DKK2: variants seen among roughly 807,000 people sequenced by gnomAD.
DKK2 encodes the protein dickkopf Wnt signaling pathway inhibitor 2.
Under a neutral mutation model 28.1 loss-of-function variants are expected in DKK2, and 11 were observed. The observed-to-expected ratio is 0.39, with a 90% CI of 0.25 to 0.65. The LOEUF (loss-of-function observed/expected upper bound fraction) is 0.65, where lower values mean the gene tolerates loss of function less well. DKK2 is among the 30% of genes least tolerant of loss of function. The probability of loss-of-function intolerance (pLI) is 0.47; values close to 1 mark genes in which losing one functional copy is unlikely to be tolerated. For synonymous variants in DKK2, 135 were observed against 126.5 expected, an observed-to-expected ratio of 1.07 and a Z score of -0.45; for missense variants, 326 against 335.5, an observed-to-expected ratio of 0.97 and a Z score of 0.22.
rs1723658768 is a variant in DKK2, at chr4:107,019,347, G to C, written c.222+16023C>G. Among the ~76,000 whole-genome samples the C allele has an allele frequency of 2.0e-5, 3 of 151,942 alleles. No individual in the cohort carries two copies. In the South Asian group the frequency reaches 6.2e-4, roughly 32 times the overall value. Reference sequence around the variant, plus strand: ...CATGGGATCACAGATACCAAAGATTGAGCTTGCCCAAAACCTATATGGTCA... The same window carrying C: ...CATGGGATCACAGATACCAAAGATTCAGCTTGCCCAAAACCTATATGGTCA... On this transcript the variant is annotated intron_variant, in intron 1 of 3. Transcript: ENST00000285311.
intron 1 of DKK2, among the ~76,000 whole-genome samples, chr4:106,966,842 G>A (rs1407472797): frequency 6.6e-6 from 1 of 152,102 alleles, no homozygotes; most frequent in Non-Finnish European, 1.5e-5. Context: ...GAACAGTGCA[G>A]GAAAGACCTA....
intron 1 of DKK2, among the ~76,000 whole-genome samples, chr4:106,955,161 G>A (rs1047272103): frequency 1.3e-5 from 2 of 152,034 alleles, no homozygotes; most frequent in African/African-American, 4.8e-5. Flanking sequence ...TAAGTTACTG[G>A]AAACTGAATG....
In DKK2 at chr4:106,948,131, G is replaced by A. The variant is rs138978754; in HGVS notation, c.223-22182C>T. 4.1e-3 allele frequency among the ~76,000 whole-genome samples: 624 copies of A among 152,198 alleles called. 9 individuals are homozygous for A. Among genetic ancestry groups the A allele is most frequent in the Non-Finnish European group, 3.6e-3 (248 of 68,004 alleles). ...GGGTGAGGAAGCCTACTCCGAGACT[G>A]TCAAATGTTATGCAGGTAGTAAATG... is the stretch of plus-strand genomic sequence containing the variant. On this transcript the variant is annotated intron_variant, in intron 1 of 3. Transcript: ENST00000285311.
At chr4:106,997,248 C>T (rs535494560) in intron 1 of DKK2, among the ~76,000 whole-genome samples, 1 of 152,136 alleles carries the variant, frequency 6.6e-6, no homozygotes, top group Non-Finnish European at 1.5e-5. Context: ...ATACTTTTAA[C>T]ATCTAACACA....
At chr4:106,986,203 C>T (rs1723118754) in intron 1 of DKK2, among the ~76,000 whole-genome samples, 1 of 152,184 alleles carries the variant, frequency 6.6e-6, no homozygotes. Flanking sequence ...CGCTAAATGG[C>T]CACTGTCAGC....
At chr4:106,960,517 C>T (rs1448927245) in intron 1 of DKK2, among the ~76,000 whole-genome samples, 1 of 152,008 alleles carries the variant, frequency 6.6e-6, no homozygotes, top group Non-Finnish European at 1.5e-5. Flanking sequence ...CAGACTTTAC[C>T]ACTGTACAAT....
intron 1 of DKK2, among the ~76,000 whole-genome samples, chr4:107,021,737 G>C (rs1723695354): frequency 6.6e-6 from 1 of 152,056 alleles, no homozygotes; most frequent in African/African-American, 2.4e-5. Context: ...TCAGGGAACA[G>C]TGAGTCATTT....
At chr4:106,988,995 A>G (rs1723165447) in intron 1 of DKK2, among the ~76,000 whole-genome samples, 2 of 152,168 alleles carry the variant, frequency 1.3e-5, no homozygotes, top group Non-Finnish European at 2.9e-5. Context: ...CTGAATGCAG[A>G]ATGCTCAAAC....
rs140366002 is a variant in DKK2 at position 106,975,435 on chromosome 4, A to T, written c.223-49486T>A. The stretch of plus-strand genomic sequence containing the variant: ...CAATTTCAGAACTTGTCATTCATCT[A>T]TTCAGGGATTCGACTCTTCCTGGTT... On this transcript the variant is annotated intron_variant, in intron 1 of 3. Transcript: ENST00000285311. Among the ~76,000 whole-genome samples the T allele has an allele frequency of 3.4e-3, 525 of 152,222 alleles. 3 individuals are homozygous for T. The highest frequency in any genetic ancestry group is 0.012 in the African/African-American group (511 of 41,532).
At chr4:106,931,400 G>A (rs1055539496) in intron 1 of DKK2, among the ~76,000 whole-genome samples, 1 of 151,972 alleles carries the variant, frequency 6.6e-6, no homozygotes, top group African/African-American at 2.4e-5. Context: ...ACAGTCAAAT[G>A]TATTGTCTGT....
At chr4:106,931,871 G>A (rs1387569751) in intron 1 of DKK2, among the ~76,000 whole-genome samples, 1 of 152,116 alleles carries the variant, frequency 6.6e-6, no homozygotes, top group Non-Finnish European at 1.5e-5. Context: ...AGTTTAAGAT[G>A]CCCTGATCAA....
At chr4:107,001,584 A>G (rs1223017150) in intron 1 of DKK2, among the ~76,000 whole-genome samples, 1 of 152,174 alleles carries the variant, frequency 6.6e-6, no homozygotes, top group Non-Finnish European at 1.5e-5. Context: ...TCTTAGCCCC[A>G]AACCTGGAAG....
intron 1 of DKK2, among the ~76,000 whole-genome samples, chr4:106,964,015 C>T (rs775389802): frequency 6.6e-6 from 1 of 152,068 alleles, no homozygotes; most frequent in Non-Finnish European, 1.5e-5. Context: ...TATTATGTTG[C>T]ATTTTTCTAT....
rs1039789643 is a variant in DKK2 at position 107,005,062 on chromosome 4, TAA to T, written c.222+30306_222+30307del. Among the ~76,000 whole-genome samples the T allele has an allele frequency of 1.3e-4, 20 of 152,002 alleles. 1 individual carries two copies. The highest frequency in any genetic ancestry group is 2.5e-4 in the Non-Finnish European group (17 of 67,966). On this transcript the variant is annotated intron_variant, in intron 1 of 3. Coordinates refer to ENST00000285311, the MANE Select transcript of DKK2 (RefSeq NM_014421.3). ...ATCAGTTTTGGACTTCTGACATATA[TAA>T]GAGTGCGGTGGCTCACGTCTGTAAT... is the stretch of plus-strand genomic sequence containing the variant.
At chr4:106,994,186 G>A (rs1454068552) in intron 1 of DKK2, among the ~76,000 whole-genome samples, 2 of 152,164 alleles carry the variant, frequency 1.3e-5, no homozygotes, top group African/African-American at 2.4e-5. Context: ...CAAGTAAGGC[G>A]ATTTAGCTTT....
intron 1 of DKK2, among the ~76,000 whole-genome samples, chr4:106,980,123 T>C (rs1026816086): frequency 1.4e-4 from 21 of 152,322 alleles, no homozygotes; most frequent in African/African-American, 4.8e-4. Context: ...AGGCAATTGC[T>C]ATATAGCTAG....
At chr4:106,935,818 G>A (rs1294326842) in intron 1 of DKK2, among the ~76,000 whole-genome samples, 4 of 152,200 alleles carry the variant, frequency 2.6e-5, no homozygotes, top group East Asian at 3.9e-4. Flanking sequence ...CCTGACCCCC[G>A]AGCAGCCTAA....
chr4:106,924,261 A>G (rs1414066903), intron 3 of DKK2, 57 bp from the exon 4 acceptor site: 2 of 1,579,536 alleles, frequency 1.3e-6, no homozygotes, highest in African/African-American at 1.4e-5. Flanking sequence ...AAAAAATTCT[A>G]TTTTGCAATC....
intron 1 of DKK2, among the ~76,000 whole-genome samples, chr4:107,026,398 T>TA: frequency 6.6e-6 from 1 of 152,294 alleles, no homozygotes; most frequent in Admixed American, 6.5e-5. Flanking sequence ...GATATAAAGA[T>TA]AAATATATAC....
Sources: allele counts gnomAD v4.1 joint callset (sites outside exome capture counted in the v4.1 genomes callset), GRCh38; gene constraint gnomAD v4.1.1; transcripts MANE v1.5; gene names NCBI Gene and HGNC (gene_info 2026-07-23, HGNC 2026-07-21).